Variants in TMPRSS11E observed in about 807,000 individuals in gnomAD.
TMPRSS11E encodes the protein transmembrane serine protease 11E.
In TMPRSS11E, 38 loss-of-function variants were observed where a neutral mutation model predicts 48.1. The ratio of observed to expected loss-of-function variants is 0.79; its 90% confidence interval spans 0.61 to 1.04. The LOEUF (loss-of-function observed/expected upper bound fraction) is 1.04. Among genes scored for constraint, TMPRSS11E ranks in the 50% least tolerant of loss-of-function variants. TMPRSS11E has a pLI of 0.00. For missense variants in TMPRSS11E, 530 were observed against 510.8 expected (o/e 1.04, Z -0.36); for synonymous variants, 158 against 171.9 (o/e 0.92, Z 0.63).
At chr4:68,451,817 A>T (rs1189120790) in intron 1 of TMPRSS11E, among the ~76,000 whole-genome samples, 1 of 151,530 alleles carries the variant, frequency 6.6e-6, no homozygotes, top group African/African-American at 2.4e-5. Flanking sequence ...TTTTTTGCCC[A>T]GGGGTAATAA....
intron 9 of TMPRSS11E, among the ~76,000 whole-genome samples, chr4:68,489,085 C>T (rs1348271676): frequency 6.6e-6 from 1 of 152,166 alleles, no homozygotes; most frequent in Admixed American, 6.5e-5. Context: ...TGCATTGGTT[C>T]TTTCTCATCT....
intron 8 of TMPRSS11E, among the ~76,000 whole-genome samples, chr4:68,478,451 C>CTTTT (rs377068765): frequency 0.025 from 1,858 of 73,538 alleles, 94 homozygotes; most frequent in Admixed American, 0.035. Context: ...GTATCCCCCG[C>CTTTT]TTTTTTTTTT....
chr4:68,463,394 T>C (rs950526797), intron 2 of TMPRSS11E, among the ~76,000 whole-genome samples: 135 of 152,220 alleles, frequency 8.9e-4, no homozygotes, highest in Middle Eastern at 3.4e-3. Context: ...CCCTGCCTCC[T>C]GGGTTCAAGT....
At position 68,463,879 on chromosome 4, in the gene TMPRSS11E, G is replaced by A. The variant is rs563678168; in HGVS notation, c.136+1934G>A. 3.3e-5 allele frequency among the ~76,000 whole-genome samples: 5 copies of A among 152,222 alleles called. No individual in the cohort carries two copies. The East Asian group carries it at 9.7e-4, about 29-fold the overall frequency. On this transcript the variant is annotated intron_variant, in intron 2 of 9. Transcript: ENST00000305363. ...ACTTCGGCTTGTCTGACTTCACAAG[G>A]AATTCCTAGTAACACTAGGGGCTAA...
intron 9 of TMPRSS11E, among the ~76,000 whole-genome samples, chr4:68,489,688 G>C (rs1420966571): frequency 6.6e-6 from 1 of 152,214 alleles, no homozygotes; most frequent in Non-Finnish European, 1.5e-5. Context: ...AATAGCAATG[G>C]CTGTGGCTGT....
intron 3 of TMPRSS11E, among the ~76,000 whole-genome samples, chr4:68,468,138 A>G (rs967180271): frequency 5.9e-5 from 9 of 152,286 alleles, no homozygotes; most frequent in East Asian, 1.9e-4. Context: ...ATAAAATGTA[A>G]GAAAGAATTA....
At chr4:68,462,118 A>G (rs1324432762) in intron 2 of TMPRSS11E, among the ~76,000 whole-genome samples, 173 bp downstream of exon 2, 1 of 152,096 alleles carries the variant, frequency 6.6e-6, no homozygotes, top group Non-Finnish European at 1.5e-5. Flanking sequence ...GTCAAGGAGG[A>G]TTCTTTTTTC....
In TMPRSS11E at chr4:68,461,861, C is replaced by A. The variant is rs1233854381; in HGVS notation, c.52C>A (p.Pro18Thr). 1 of 1,614,014 alleles carries A rather than the reference C, an allele frequency of 6.2e-7. No homozygotes were observed. The highest frequency in any genetic ancestry group is 8.5e-7 in the Non-Finnish European group (1 of 1,180,016). The change falls in exon 2 of 10, where the codon CCC becomes ACC. Residue 18 changes from proline to threonine, a missense_variant. Coordinates refer to ENST00000305363, the MANE Select transcript of TMPRSS11E (RefSeq NM_014058.4). ...GGCTAGGAAAAGAGTTTGTTGGGAA[C>A]CCTGGGTTATCGGCCTCGTCATCTT... Reference protein sequence around the residue: ...VRARKRVCWEPWVIGLVIFIS... With the variant: ...VRARKRVCWETWVIGLVIFIS...
At chr4:68,463,458 C>T (rs1262688521) in intron 2 of TMPRSS11E, among the ~76,000 whole-genome samples, 1 of 152,098 alleles carries the variant, frequency 6.6e-6, no homozygotes, top group East Asian at 1.9e-4. Context: ...TGCGCCACCA[C>T]ACCCGGCTAA....
chr4:68,461,687 G>C, intron 1 of TMPRSS11E, 134 bp from the exon 2 acceptor site: 1 of 1,368,608 alleles, frequency 7.3e-7, no homozygotes, highest in Non-Finnish European at 1.0e-6. Context: ...CCTGGAACCA[G>C]GGTGTGCTCT....
At chr4:68,471,723 G>C in intron 5 of TMPRSS11E, 100 bp downstream of exon 5, 1 of 836,730 alleles carries the variant, frequency 1.2e-6, no homozygotes, top group Non-Finnish European at 1.8e-6. Flanking sequence ...TTTAATTCTG[G>C]GGTCTTGCCA....
chr4:68,462,047 C>A, intron 2 of TMPRSS11E, 102 bp downstream of exon 2: 1 of 1,417,874 alleles, frequency 7.1e-7, no homozygotes, highest in South Asian at 1.3e-5. Context: ...CACTACGATT[C>A]ATTTGCATAG....
At chr4:68,489,505 G>A (rs1022326212) in intron 9 of TMPRSS11E, among the ~76,000 whole-genome samples, 2 of 152,206 alleles carry the variant, frequency 1.3e-5, no homozygotes, top group Non-Finnish European at 2.9e-5. Context: ...GTGGGGCAGT[G>A]ATGGGGTCAG....
chr4:68,450,590 T>C (rs957437837), intron 1 of TMPRSS11E, among the ~76,000 whole-genome samples: 9 of 151,924 alleles, frequency 5.9e-5, no homozygotes, highest in Non-Finnish European at 1.3e-4. Flanking sequence ...AAAATGTTGG[T>C]GCATAGATTT....
intron 4 of TMPRSS11E, 123 bp downstream of exon 4, chr4:68,469,069 T>C: frequency 1.2e-6 from 1 of 818,448 alleles, no homozygotes; most frequent in Non-Finnish European, 2.0e-6. Context: ...ACACTTGTCC[T>C]GTGTAAGTCA....
chr4:68,491,019 A>G (rs1403778382), intron 9 of TMPRSS11E, among the ~76,000 whole-genome samples: 1 of 151,806 alleles, frequency 6.6e-6, no homozygotes, highest in African/African-American at 2.4e-5. Flanking sequence ...TCAGCCTTCC[A>G]ACGTGCTGGG....
intron 9 of TMPRSS11E, among the ~76,000 whole-genome samples, chr4:68,493,578 C>T (rs1729789462): frequency 2.0e-5 from 3 of 152,128 alleles, no homozygotes; most frequent in South Asian, 2.1e-4. Context: ...GCTATTCTCT[C>T]GCCTCAGCCT....
At chr4:68,476,579 G>T in intron 7 of TMPRSS11E, 141 bp downstream of exon 7, 1 of 791,190 alleles carries the variant, frequency 1.3e-6, no homozygotes, top group East Asian at 3.0e-5. Flanking sequence ...TGGATCATTT[G>T]TAAACATTAG....
At chr4:68,452,372 A>G (rs1238494513) in intron 1 of TMPRSS11E, among the ~76,000 whole-genome samples, 1 of 152,018 alleles carries the variant, frequency 6.6e-6, no homozygotes, top group Non-Finnish European at 1.5e-5. Context: ...GAGGGTACAT[A>G]TCGTAACAAT....
Sources: gnomAD v4.1 joint callset for allele counts (sites outside exome capture counted in the v4.1 genomes callset) on GRCh38, gnomAD v4.1.1 for gene constraint, MANE v1.5 for transcripts, NCBI Gene and HGNC (gene_info 2026-07-23, HGNC 2026-07-21) for gene names.